Variants in NTN1 observed in about 807,000 individuals in gnomAD.
NTN1 encodes netrin 1.
NTN1 carries 11 observed loss-of-function variants against 54.2 expected under a neutral mutation model. The observed-to-expected ratio is 0.20, with a 90% confidence interval of 0.13 to 0.34. The LOEUF is 0.34. Among genes scored for constraint, NTN1 ranks in the 10% least tolerant of loss-of-function variants. NTN1 has a pLI of 1.00. For missense variants in NTN1, 740 were observed against 893.1 expected (o/e 0.83, Z 2.18); for synonymous variants, 371 against 382.0 (o/e 0.97, Z 0.33).
intron 2 of NTN1, among the ~76,000 whole-genome samples, chr17:9,104,210 G>A (rs1282204206): frequency 2.0e-5 from 3 of 152,050 alleles, no homozygotes; most frequent in Non-Finnish European, 4.4e-5. Context: ...TAGGGGAGTG[G>A]CAATGGGGAG....
At chr17:9,075,100 G>A (rs1399753035) in intron 2 of NTN1, among the ~76,000 whole-genome samples, 3 of 152,294 alleles carry the variant, frequency 2.0e-5, no homozygotes, top group Admixed American at 2.0e-4. Flanking sequence ...TCTGGAGCCA[G>A]GCTACCAGAG....
rs564687610 is a variant in NTN1, at chr17:9,118,875, T to G, written c.1019-43938T>G. On this transcript the variant is annotated intron_variant, in intron 2 of 6. Coordinates refer to ENST00000173229, the MANE Select transcript of NTN1 (RefSeq NM_004822.3). ...AGTAATATTCCATTGTAGAGATATATTGCATTTTGTGTATTCATTCACTGG... is the reference window on the plus strand; with the variant it reads ...AGTAATATTCCATTGTAGAGATATAGTGCATTTTGTGTATTCATTCACTGG... Among the ~76,000 whole-genome samples the G allele has an allele frequency of 4.6e-5, 7 of 152,374 alleles. No homozygotes were observed. The South Asian group carries it at 1.4e-3, about 32-fold the overall frequency.
chr17:9,202,029 T>TACACACACACACACACACACACAC (rs1200661283), intron 5 of NTN1, among the ~76,000 whole-genome samples: 16 of 26,818 alleles, frequency 6.0e-4, no homozygotes, highest in African/African-American at 6.7e-4. Context: ...CTACTAAAAA[T>TACACACACACACACACACACACAC]ACACACACAC....
intron 2 of NTN1, among the ~76,000 whole-genome samples, chr17:9,032,957 C>CTT (rs34215544): frequency 0.25 from 34,461 of 137,960 alleles, 5,055 homozygotes; most frequent in East Asian, 0.54. Context: ...GAAATCAATC[C>CTT]TTTTTTTTTT....
In NTN1 at chr17:9,160,465, G is replaced by GA. The variant is rs200028231; in HGVS notation, c.1019-2340dup. 7.0e-4 allele frequency among the ~76,000 whole-genome samples: 106 copies of GA among 151,592 alleles called. 2 individuals carry two copies. The highest frequency in any genetic ancestry group is 2.0e-3 in the African/African-American group (83 of 41,328). ...GACACAAGAAAATGTTCATTATTAT[G>GA]AAAAAAAACCCCCACAAAACTAGAT... On this transcript the variant is annotated intron_variant, in intron 2 of 6. Transcript: ENST00000173229.
intron 5 of NTN1, among the ~76,000 whole-genome samples, chr17:9,204,057 G>A (rs1455725218): frequency 6.6e-6 from 1 of 152,176 alleles, no homozygotes; most frequent in African/African-American, 2.4e-5. Flanking sequence ...CAGAAGTCAG[G>A]TGAGGCTCAG....
At chr17:9,032,790 C>T (rs1250134766) in intron 2 of NTN1, among the ~76,000 whole-genome samples, 1 of 152,130 alleles carries the variant, frequency 6.6e-6, no homozygotes, top group Non-Finnish European at 1.5e-5. Context: ...GAAGCCAGAC[C>T]TCAGAGGTGG....
chr17:9,169,353 G>A (rs1315306607), intron 3 of NTN1, among the ~76,000 whole-genome samples: 3 of 152,240 alleles, frequency 2.0e-5, no homozygotes, highest in Non-Finnish European at 4.4e-5. Flanking sequence ...GTAGAGCCAG[G>A]AAATTAGGTG....
chr17:9,116,948 T>C (rs991403630), intron 2 of NTN1, among the ~76,000 whole-genome samples: 2 of 152,154 alleles, frequency 1.3e-5, no homozygotes, highest in East Asian at 3.9e-4. Flanking sequence ...TCAGGAAGGA[T>C]TTGTGGCCGA....
chr17:9,023,533 C>T, intron 2 of NTN1, 142 bp downstream of exon 2: 2 of 1,078,722 alleles, frequency 1.9e-6, no homozygotes, highest in South Asian at 5.2e-5. Context: ...CCCGGGAGGG[C>T]TCAGAGCAGG....
intron 2 of NTN1, among the ~76,000 whole-genome samples, chr17:9,129,473 G>A (rs1305887060): frequency 6.6e-6 from 1 of 152,168 alleles, no homozygotes; most frequent in Non-Finnish European, 1.5e-5. Context: ...TTGGGGAGGA[G>A]ATGGTCCTTT....
chr17:9,173,135 C>T (rs773690207), intron 3 of NTN1: 1 of 152,334 alleles, frequency 6.6e-6, no homozygotes, highest in Non-Finnish European at 1.5e-5. Flanking sequence ...AGCACTCCCT[C>T]CCCTCCCCTG....
chr17:9,065,604 G>A (rs1296993499), intron 2 of NTN1, among the ~76,000 whole-genome samples: 1 of 152,226 alleles, frequency 6.6e-6, no homozygotes, highest in African/African-American at 2.4e-5. Flanking sequence ...AACGCCACCA[G>A]GGCAAGCACC....
chr17:9,182,600 C>T (rs2092421646), intron 4 of NTN1, among the ~76,000 whole-genome samples: 1 of 152,224 alleles, frequency 6.6e-6, no homozygotes, highest in Non-Finnish European at 1.5e-5. Flanking sequence ...TCTCTCCATA[C>T]CCGCAAGGGT....
chr17:9,053,624 A>T (rs1441475683), intron 2 of NTN1, among the ~76,000 whole-genome samples: 1 of 152,250 alleles, frequency 6.6e-6, no homozygotes, highest in Non-Finnish European at 1.5e-5. Context: ...TTCTGTCCTC[A>T]GGGTCTAGCA....
intron 2 of NTN1, among the ~76,000 whole-genome samples, chr17:9,127,074 G>GGGT (rs1555570073): frequency 6.7e-6 from 1 of 149,828 alleles, no homozygotes; most frequent in South Asian, 2.2e-4. Context: ...GTAGGGCCGG[G>GGGT]GGGGGGCAGG....
At chr17:9,164,536 C>G (rs1440270693) in intron 3 of NTN1, among the ~76,000 whole-genome samples, 1 of 152,120 alleles carries the variant, frequency 6.6e-6, no homozygotes, top group Non-Finnish European at 1.5e-5. Context: ...AGCAGAGTTT[C>G]AACCAAGCTG....
chr17:9,127,619 G>C (rs1201899170), intron 2 of NTN1, among the ~76,000 whole-genome samples: 2 of 152,112 alleles, frequency 1.3e-5, no homozygotes, highest in South Asian at 4.1e-4. Context: ...CACACTTGGT[G>C]TTAAAAGCCA....
At chr17:9,097,924 A>T (rs9913564) in intron 2 of NTN1, among the ~76,000 whole-genome samples, 2 of 151,688 alleles carry the variant, frequency 1.3e-5, no homozygotes, top group African/African-American at 2.4e-5. Flanking sequence ...TTCTCCTTTG[A>T]GAATTTTCTG....
Sources: allele counts gnomAD v4.1 joint callset (sites outside exome capture counted in the v4.1 genomes callset), GRCh38; gene constraint gnomAD v4.1.1; transcripts MANE v1.5; gene names NCBI Gene and HGNC (gene_info 2026-07-23, HGNC 2026-07-21).